The following ELP6 variants were observed in gnomAD, a reference collection of about 807,000 sequenced individuals.
The protein encoded by ELP6 is elongator acetyltransferase complex subunit 6.
A neutral mutation model predicts 28.1 loss-of-function variants in ELP6; 23 were observed. The observed-to-expected ratio is 0.82, with a 90% CI of 0.59 to 1.16. The LOEUF (loss-of-function observed/expected upper bound fraction) is 1.16. ELP6 is among the 50% of genes most tolerant of loss of function. The pLI, the probability that ELP6 is intolerant of heterozygous loss-of-function variation, is 0.00. For missense variants in ELP6, 313 were observed against 334.6 expected, an observed-to-expected ratio of 0.94 and a Z score of 0.50; for synonymous variants, 132 against 135.8, an observed-to-expected ratio of 0.97 and a Z score of 0.19.
intron 1 of ELP6, chr3:47,512,839 G>C (rs1226664531): frequency 3.1e-6 from 3 of 975,956 alleles, no homozygotes; most frequent in African/African-American, 1.8e-5. Flanking sequence ...CCATGAAGAC[G>C]GCGGCGAAAC....
chr3:47,495,818 C>T lies in ELP6; in HGVS notation c.*251G>A, dbSNP rs1402865247. ...TATTTAAACAAAGGCTCCAAAGGAC[C>T]CCTTTCACTTGGGTCTAGCATCCAG... On this transcript the variant is annotated 3_prime_UTR_variant, in exon 7 of 7. Coordinates refer to ENST00000296149, the MANE Select transcript of ELP6 (RefSeq NM_001031703.3). 2 of 480,654 alleles carry T rather than the reference C, an allele frequency of 4.2e-6. No individual in the cohort carries two copies. The highest frequency in any genetic ancestry group is 7.0e-6 in the Non-Finnish European group (2 of 287,208). 29.8% of individuals were successfully genotyped at this position (480,654 alleles called of 1,614,324 possible). A position where few individuals can be genotyped will look rare whatever the true frequency, so the allele number is the denominator to read the frequency against.
chr3:47,495,892 A>C lies in ELP6; in HGVS notation c.*177T>G. ...TTGTGGTCCCTTGTGTTTTCTGAAC[A>C]GGGCCCAGGGCAGCCAAGGCATGCC... On this transcript the variant is annotated 3_prime_UTR_variant, in exon 7 of 7. Coordinates refer to ENST00000296149, the MANE Select transcript of ELP6 (RefSeq NM_001031703.3). 6.0e-6 allele frequency: 6 copies of C among 1,004,720 alleles called. No homozygotes were observed. Among genetic ancestry groups the C allele is most frequent in the Non-Finnish European group, 8.4e-6 (6 of 714,656 alleles). 62.2% of individuals were successfully genotyped at this position (1,004,720 alleles called of 1,614,324 possible).
intron 1 of ELP6, chr3:47,512,004 T>C (rs1709030401): frequency 1.0e-6 from 1 of 985,320 alleles, no homozygotes; most frequent in Non-Finnish European, 1.2e-6. Context: ...TGCTGTCATT[T>C]CCTGGTGCCC....
At chr3:47,512,637 C>G (rs1318631088) in intron 1 of ELP6, 1 of 985,424 alleles carries the variant, frequency 1.0e-6, no homozygotes, top group Non-Finnish European at 1.2e-6. Flanking sequence ...TCAAGGTACC[C>G]CGGAGTGTGA....
intron 4 of ELP6, among the ~76,000 whole-genome samples, chr3:47,503,889 T>TCAA (rs922803649): frequency 1.8e-4 from 27 of 151,782 alleles, no homozygotes; most frequent in African/African-American, 4.8e-4. Context: ...AGACTCCATC[T>TCAA]CAACAACAAC....
intron 6 of ELP6, chr3:47,496,790 G>A (rs574220035): frequency 2.6e-5 from 26 of 985,286 alleles, no homozygotes; most frequent in East Asian, 1.1e-4. Flanking sequence ...CACTGTGCCC[G>A]GTCCCTTTGT....
chr3:47,501,844 T>G lies in ELP6; in HGVS notation c.331A>C (p.Asn111His). Residue 111 changes from asparagine (N) to histidine (H), a missense_variant, in exon 5 of 7, where the codon AAT becomes CAT. Asn to His is a moderately conservative substitution (Grantham distance 68). Transcript: ENST00000296149. ...AACAATGGTTTCAAGTTCCCAGCAT[T>G]AGCCTCCCTGGAGAGACAGGACAAA... ...PHPLQFLREA[N>H]AGNLKPLFEF... 6.2e-7 allele frequency: 1 copy of G among 1,613,228 alleles called. No homozygotes were observed. The highest frequency in any genetic ancestry group is 1.3e-5 in the African/African-American group (1 of 74,956).
At chr3:47,510,644 G>A (rs1708987191) in intron 2 of ELP6, among the ~76,000 whole-genome samples, 1 of 152,078 alleles carries the variant, frequency 6.6e-6, no homozygotes, top group Admixed American at 6.6e-5. Flanking sequence ...ATTTTTTGTA[G>A]AAACAGGGTC....
intron 1 of ELP6, chr3:47,512,834 A>T: frequency 1.0e-6 from 1 of 975,434 alleles, no homozygotes; most frequent in Non-Finnish European, 1.2e-6. Context: ...CTCGCCCATG[A>T]AGACGGCGGC....
At chr3:47,507,724 A>G (rs770894152) in intron 3 of ELP6, among the ~76,000 whole-genome samples, 12 of 152,092 alleles carry the variant, frequency 7.9e-5, no homozygotes, top group Non-Finnish European at 1.6e-4. Flanking sequence ...TCACACACAA[A>G]ATGCCCAGGG....
In ELP6 at chr3:47,498,457, C is replaced by T. The variant is rs746654702; in HGVS notation, c.526-25G>A. 7 of 1,607,034 alleles carry T rather than the reference C, an allele frequency of 4.4e-6. No individual in the cohort carries two copies. The Admixed American group carries it at 1.2e-4, about 27-fold the overall frequency. ...CCTGCATCAGATACAAGATGGAAGCCTGCTCCTTACTGGAAAGGACACCCA... is the reference window on the plus strand; with the variant it reads ...CCTGCATCAGATACAAGATGGAAGCTTGCTCCTTACTGGAAAGGACACCCA... On this transcript the variant is annotated intron_variant, in intron 5 of 6. Transcript: ENST00000296149.
chr3:47,513,699 G>T lies in ELP6; in HGVS notation c.-109C>A, dbSNP rs1422152334. The T allele has an allele frequency of 1.4e-6, 2 of 1,418,926 alleles. No individual in the cohort carries two copies. Among genetic ancestry groups the T allele is most frequent in the Admixed American group, 2.1e-5 (1 of 47,766 alleles). 87.9% of individuals were successfully genotyped at this position (1,418,926 alleles called of 1,614,324 possible). ...CAGCCCGGCTCGCGCAAGGAAGCGC[G>T]CATGCGCAATGCCACTTTTGCGAGC... On this transcript the variant is annotated 5_prime_UTR_variant, in exon 1 of 7. Coordinates refer to ENST00000296149, the MANE Select transcript of ELP6 (RefSeq NM_001031703.3).
intron 5 of ELP6, 126 bp downstream of exon 5, chr3:47,501,524 T>C (rs1708649753): frequency 1.1e-6 from 1 of 940,258 alleles, no homozygotes; most frequent in African/African-American, 1.6e-5. Flanking sequence ...AAAAGCTTTC[T>C]GGGCCTGCCA....
intron 2 of ELP6, among the ~76,000 whole-genome samples, 187 bp downstream of exon 2, chr3:47,510,961 T>C (rs1454321299): frequency 6.6e-6 from 1 of 152,180 alleles, no homozygotes; most frequent in Non-Finnish European, 1.5e-5. Context: ...ATGCCACTCT[T>C]TGGCAGGGCT....
Position 47,513,625 on chromosome 3 carries a change from C to T in ELP6, c.-35G>A. The stretch of plus-strand genomic sequence containing the variant: ...CTGGGACTAGCGCTCTGGAGGAGAA[C>T]CCGGAGTGCTGCAGAGACGACGGAG... On this transcript the variant is annotated 5_prime_UTR_variant, in exon 1 of 7. Transcript: ENST00000296149. 6.2e-7 allele frequency: 1 copy of T among 1,612,460 alleles called. No individual in the cohort carries two copies. Among genetic ancestry groups the T allele is most frequent in the Non-Finnish European group, 8.5e-7 (1 of 1,179,130 alleles).
intron 3 of ELP6, chr3:47,504,742 G>A: frequency 1.4e-6 from 1 of 709,990 alleles, no homozygotes; most frequent in Non-Finnish European, 1.7e-6. Context: ...GATCATTTGA[G>A]CCCAGAAGTT....
intron 3 of ELP6, among the ~76,000 whole-genome samples, chr3:47,505,734 G>A (rs182629780): frequency 2.0e-5 from 3 of 152,244 alleles, no homozygotes; most frequent in Admixed American, 2.0e-4. Flanking sequence ...ACCACGCCCA[G>A]CTAATTTTTG....
chr3:47,504,719 G>A (rs1420872076), intron 3 of ELP6: 1 of 877,792 alleles, frequency 1.1e-6, no homozygotes, highest in Non-Finnish European at 1.4e-6. Context: ...TACTTGGGAG[G>A]CTGAGGCAGG....
intron 6 of ELP6, chr3:47,496,774 G>A (rs1191645489): frequency 8.1e-6 from 8 of 984,854 alleles, no homozygotes; most frequent in Non-Finnish European, 8.4e-6. Flanking sequence ...GATTACAGGC[G>A]TGAGCCACTG....
Sources: allele counts gnomAD v4.1 joint callset (sites outside exome capture counted in the v4.1 genomes callset), GRCh38; gene constraint gnomAD v4.1.1; transcripts MANE v1.5; gene names NCBI Gene and HGNC (gene_info 2026-07-23, HGNC 2026-07-21).